STXBP5: variants seen among roughly 807,000 people sequenced by gnomAD.
The protein encoded by STXBP5 is syntaxin binding protein 5, also known as syntaxin-binding protein 5.
STXBP5 carries 50 observed loss-of-function variants against 152.4 expected under a neutral mutation model. That is an observed-to-expected ratio of 0.33 (90% CI 0.26 to 0.42). The LOEUF (loss-of-function observed/expected upper bound fraction) is 0.42. Among genes scored for constraint, STXBP5 ranks in the 10% least tolerant of loss-of-function variants. The probability of loss-of-function intolerance (pLI) is 1.00; values close to 1 mark genes in which losing one functional copy is unlikely to be tolerated. For synonymous variants in STXBP5, 492 were observed against 494.7 expected, an observed-to-expected ratio of 0.99 and a Z score of 0.07; for missense variants, 1,167 against 1,388.6, an observed-to-expected ratio of 0.84 and a Z score of 2.54.
chr6:147,376,019 T>C (rs1320037649), intron 26 of STXBP5, among the ~76,000 whole-genome samples: 1 of 152,130 alleles, frequency 6.6e-6, no homozygotes, highest in Non-Finnish European at 1.5e-5. Context: ...ACACATCAGA[T>C]AGAAGGAAAA....
Position 147,384,998 on chromosome 6 carries a change from A to G in STXBP5, c.*243A>G, listed in dbSNP as rs907781160. 4.1e-5 allele frequency: 20 copies of G among 488,308 alleles called. No homozygotes were observed. Among genetic ancestry groups the G allele is most frequent in the Non-Finnish European group, 6.6e-5 (18 of 272,022 alleles). The allele number at this position is 488,308 out of a possible 1,614,324, so 30.2% of individuals were successfully genotyped here. A position where few individuals can be genotyped will look rare whatever the true frequency, so the allele number is the denominator to read the frequency against. On this transcript the variant is annotated 3_prime_UTR_variant, in exon 28 of 28. Coordinates refer to ENST00000321680, the MANE Select transcript of STXBP5 (RefSeq NM_001127715.4). ...TGACCATTTGGGAATTAAACAGGTC[A>G]CACGTGACAGATGAAGAAACCAAGG...
intron 9 of STXBP5, among the ~76,000 whole-genome samples, chr6:147,303,612 A>T (rs960197283): frequency 2.0e-5 from 3 of 152,222 alleles, no homozygotes; most frequent in Non-Finnish European, 4.4e-5. Flanking sequence ...AGAAGTTGGA[A>T]CAGTTTGGAG....
At chr6:147,331,072 C>CT (rs1562250572) in intron 18 of STXBP5, among the ~76,000 whole-genome samples, 1 of 152,138 alleles carries the variant, frequency 6.6e-6, no homozygotes, top group Admixed American at 6.5e-5. Context: ...AATGTGTAGT[C>CT]TAATTACCTT....
intron 19 of STXBP5, among the ~76,000 whole-genome samples, chr6:147,336,904 C>A (rs557055831): frequency 2.0e-5 from 3 of 152,076 alleles, no homozygotes; most frequent in South Asian, 4.1e-4. Flanking sequence ...GATTTGTGAT[C>A]TCAACTGTTT....
At chr6:147,305,209 A>G (rs746198136) in intron 9 of STXBP5, among the ~76,000 whole-genome samples, 1 of 152,202 alleles carries the variant, frequency 6.6e-6, no homozygotes, top group Non-Finnish European at 1.5e-5. Context: ...TTACATACGT[A>G]TTCACAGTTT....
At chr6:147,282,597 A>T (rs999800338) in intron 8 of STXBP5, among the ~76,000 whole-genome samples, 4 of 152,174 alleles carry the variant, frequency 2.6e-5, no homozygotes, top group African/African-American at 9.7e-5. Context: ...AGTGGGCCAT[A>T]GATTCTGCAT....
intron 21 of STXBP5, among the ~76,000 whole-genome samples, chr6:147,345,398 C>T (rs542315797): frequency 2.0e-5 from 3 of 152,150 alleles, no homozygotes; most frequent in Non-Finnish European, 4.4e-5. Flanking sequence ...TTCTTGGTTC[C>T]ACTTTTCTTC....
chr6:147,359,368 T>A (rs769081948), intron 23 of STXBP5, 45 bp downstream of exon 23: 2 of 1,572,772 alleles, frequency 1.3e-6, no homozygotes, highest in African/African-American at 2.7e-5. Context: ...AGGTGTGATT[T>A]ACTATGATAG....
chr6:147,346,091 A>G (rs1035465603), intron 21 of STXBP5, among the ~76,000 whole-genome samples: 3 of 152,212 alleles, frequency 2.0e-5, no homozygotes, highest in African/African-American at 7.2e-5. Flanking sequence ...GTGTCTTTCA[A>G]TAACTCATCC....
At chr6:147,298,633 T>C (rs1296750936) in intron 9 of STXBP5, among the ~76,000 whole-genome samples, 1 of 152,066 alleles carries the variant, frequency 6.6e-6, no homozygotes, top group South Asian at 2.1e-4. Context: ...ATCAAGTAGC[T>C]TTTTTGGCCA....
intron 16 of STXBP5, 124 bp downstream of exon 16, chr6:147,316,531 C>T: frequency 1.1e-6 from 1 of 884,226 alleles, no homozygotes; most frequent in South Asian, 2.6e-5. Context: ...ATGGTTCTTC[C>T]TGTGTTTTGC....
At chr6:147,327,576 G>A (rs1783331041) in intron 18 of STXBP5, among the ~76,000 whole-genome samples, 1 of 151,986 alleles carries the variant, frequency 6.6e-6, no homozygotes, top group Non-Finnish European at 1.5e-5. Context: ...TGAGTAGCTG[G>A]GACCATAGGC....
intron 22 of STXBP5, among the ~76,000 whole-genome samples, chr6:147,356,725 C>G (rs970068428): frequency 6.6e-6 from 1 of 152,030 alleles, no homozygotes; most frequent in African/African-American, 2.4e-5. Flanking sequence ...ATCTATGAAT[C>G]TAAATTTGAT....
chr6:147,356,773 C>CTATACCTTTTTTATTTAA (rs1784833740), intron 22 of STXBP5, among the ~76,000 whole-genome samples: 1 of 152,028 alleles, frequency 6.6e-6, no homozygotes, highest in African/African-American at 2.4e-5. Context: ...TAAGATTTGG[C>CTATACCTTTTTTATTTAA]TATACCTTTT....
chr6:147,369,520 AGAC>A (rs1384614181), intron 25 of STXBP5, among the ~76,000 whole-genome samples: 1 of 152,082 alleles, frequency 6.6e-6, no homozygotes, highest in African/African-American at 2.4e-5. Flanking sequence ...TAAAATGAAA[AGAC>A]AATTTATAGA....
intron 2 of STXBP5, among the ~76,000 whole-genome samples, chr6:147,227,062 A>G (rs1777755242): frequency 6.6e-6 from 1 of 152,196 alleles, no homozygotes; most frequent in South Asian, 2.1e-4. Flanking sequence ...GAAGAGAGAG[A>G]GACTAAGTAA....
At chr6:147,320,681 A>T (rs1782892341) in intron 16 of STXBP5, among the ~76,000 whole-genome samples, 1 of 152,070 alleles carries the variant, frequency 6.6e-6, no homozygotes, top group South Asian at 2.1e-4. Flanking sequence ...TTTAATAGAT[A>T]ATGTTATATA....
Position 147,389,234 on chromosome 6 carries a change from A to T in STXBP5, c.*4479A>T, listed in dbSNP as rs764612481. Reference sequence around the variant, plus strand: ...TCCTGTGAATATTAATGATTTTACTACTGCCTCCGAAGTTTTAAAAAAGGT... The same window carrying T: ...TCCTGTGAATATTAATGATTTTACTTCTGCCTCCGAAGTTTTAAAAAAGGT... On this transcript the variant is annotated 3_prime_UTR_variant, in exon 28 of 28. Coordinates refer to ENST00000321680, the MANE Select transcript of STXBP5 (RefSeq NM_001127715.4). 1 of 151,718 alleles carries T rather than the reference A, an allele frequency of 6.6e-6. No individual in the cohort carries two copies. Among genetic ancestry groups the T allele is most frequent in the Non-Finnish European group, 1.5e-5 (1 of 67,730 alleles). 9.4% of individuals were successfully genotyped at this position (151,718 alleles called of 1,614,324 possible). A position where few individuals can be genotyped will look rare whatever the true frequency, so the allele number is the denominator to read the frequency against.
At chr6:147,324,045 A>T in intron 16 of STXBP5, among the ~76,000 whole-genome samples, 1 of 152,110 alleles carries the variant, frequency 6.6e-6, no homozygotes. Context: ...CTGCAAGAGC[A>T]TTTTTTGTAG....
Sources: allele counts gnomAD v4.1 joint callset (sites outside exome capture counted in the v4.1 genomes callset), GRCh38; gene constraint gnomAD v4.1.1; transcripts MANE v1.5; gene names NCBI Gene and HGNC (gene_info 2026-07-23, HGNC 2026-07-21).